PCDHGB3: variants seen among roughly 807,000 people sequenced by gnomAD.
PCDHGB3 encodes protocadherin gamma subfamily B, 3.
Under a neutral mutation model 59.2 loss-of-function variants are expected in PCDHGB3, and 40 were observed. The ratio of observed to expected loss-of-function variants is 0.68; its 90% CI spans 0.52 to 0.88. The LOEUF (loss-of-function observed/expected upper bound fraction) is 0.88, where lower values mean the gene tolerates loss of function less well. Ranked by LOEUF, PCDHGB3 falls within the 40% of genes least tolerant of loss-of-function variation. PCDHGB3 has a pLI of 0.00. For missense variants in PCDHGB3, 1,309 were observed against 1,187.9 expected (o/e 1.10, Z -1.50); for synonymous variants, 581 against 503.6 (o/e 1.15, Z -2.06).
At chr5:141,376,832 G>T (rs1773425503) in intron 1 of PCDHGB3, 2 of 257,250 alleles carry the variant, frequency 7.8e-6, no homozygotes, top group Non-Finnish European at 1.5e-5. Context: ...GACTACAGGC[G>T]CCCGCCACCG....
At chr5:141,463,682 G>A (rs62379195) in intron 1 of PCDHGB3, among the ~76,000 whole-genome samples, 7,165 of 151,926 alleles carry the variant, frequency 0.047, 241 homozygotes, top group Middle Eastern at 0.095. Context: ...GGATGACCTC[G>A]TGATCTGCTC....
At position 141,431,270 on chromosome 5, in the gene PCDHGB3, G is replaced by C. The variant is rs369177310; in HGVS notation, c.2415+58461G>C. 1.2e-5 allele frequency: 19 copies of C among 1,613,996 alleles called. No homozygotes were observed. Among genetic ancestry groups the C allele is most frequent in the Non-Finnish European group, 1.5e-5 (18 of 1,180,018 alleles). ...CGGGAAGAACTCTCTGCAGAGCTAC[G>C]AGCTCAGCCCGAACACTCACTTCTC... is the stretch of plus-strand genomic sequence containing the variant. On this transcript the variant is annotated intron_variant, in intron 1 of 3. Coordinates refer to ENST00000576222, the MANE Select transcript of PCDHGB3 (RefSeq NM_018924.5). This position sits in a 1 kb window ranked among gnomAD's most constrained non-coding sequence, Gnocchi z 4.8.
At chr5:141,473,039 A>G (rs1593411714) in intron 1 of PCDHGB3, among the ~76,000 whole-genome samples, 1 of 152,016 alleles carries the variant, frequency 6.6e-6, no homozygotes, top group East Asian at 1.9e-4. Context: ...GGAAGGAAAG[A>G]AAGAAAGAAG....
intron 1 of PCDHGB3, among the ~76,000 whole-genome samples, chr5:141,386,156 G>A (rs3806832): frequency 0.081 from 12,379 of 152,152 alleles, 653 homozygotes; most frequent in African/African-American, 0.15. Context: ...ACTGTCTCAC[G>A]TACTCAAACC....
rs376621545 is a variant in PCDHGB3, at chr5:141,422,143, G to A, written c.2415+49334G>A. The stretch of plus-strand genomic sequence containing the variant: ...ACAAACTGGAGAAGTTCAAGTACGG[G>A]GGTCTCTGGATTTTGAAAAATATAG... On this transcript the variant is annotated intron_variant, in intron 1 of 3. Transcript: ENST00000576222. 36 of 1,583,638 alleles carry A rather than the reference G, an allele frequency of 2.3e-5. No individual in the cohort carries two copies. The African/African-American group carries it at 3.8e-4, about 17-fold the overall frequency.
chr5:141,370,916 T>C lies in PCDHGB3; in HGVS notation c.522T>C (p.Pro174=). The part of the protein sequence containing the change: ...VNSLQQYYLS[P]DPHFSLIQKE... Reference sequence around the variant, plus strand: ...CGCTGCAGCAGTACTACCTCAGCCCTGATCCGCACTTCTCTTTGATTCAGA... The same window carrying C: ...CGCTGCAGCAGTACTACCTCAGCCCCGATCCGCACTTCTCTTTGATTCAGA... Residue 174 remains proline, a synonymous_variant, in exon 1 of 4, where the codon CCT becomes CCC. Coordinates refer to ENST00000576222, the MANE Select transcript of PCDHGB3 (RefSeq NM_018924.5). 6.2e-7 allele frequency: 1 copy of C among 1,614,016 alleles called. No homozygotes were observed. Among genetic ancestry groups the C allele is most frequent in the Non-Finnish European group, 8.5e-7 (1 of 1,179,878 alleles).
chr5:141,483,869 G>A (rs2099587910), intron 1 of PCDHGB3, among the ~76,000 whole-genome samples: 1 of 152,126 alleles, frequency 6.6e-6, no homozygotes, highest in South Asian at 2.1e-4. Flanking sequence ...GTCCAGATCA[G>A]GATGGATTTT....
In PCDHGB3 at chr5:141,408,237, G is replaced by C. The variant is rs1445060280; in HGVS notation, c.2415+35428G>C. 3.2e-6 allele frequency: 5 copies of C among 1,575,002 alleles called. No individual in the cohort carries two copies. In the South Asian group the frequency reaches 4.6e-5, roughly 14 times the overall value. On this transcript the variant is annotated intron_variant, in intron 1 of 3. Transcript: ENST00000576222. ...AGCTGCGCGCAGAGGCGCCGGGCCG[G>C]CCCGCGGCAGGTGCTATTTCCTTTG...
At chr5:141,387,510 C>A (rs972550298) in intron 1 of PCDHGB3, among the ~76,000 whole-genome samples, 1 of 152,206 alleles carries the variant, frequency 6.6e-6, no homozygotes, top group Non-Finnish European at 1.5e-5. Context: ...TTTTAGACGT[C>A]ATTAAATATA....
chr5:141,443,457 G>C (rs977253701), intron 1 of PCDHGB3, among the ~76,000 whole-genome samples: 12 of 152,194 alleles, frequency 7.9e-5, no homozygotes, highest in Non-Finnish European at 1.3e-4. Flanking sequence ...CTGTACTCCA[G>C]TCTGGGTGAC....
At chr5:141,414,042 T>A (rs758538745) in intron 1 of PCDHGB3, 1 of 1,611,324 alleles carries the variant, frequency 6.2e-7, no homozygotes, top group South Asian at 1.1e-5. Flanking sequence ...GAAAATTACC[T>A]GACACGCAAT....
chr5:141,460,686 C>A (rs2098995566), intron 1 of PCDHGB3, among the ~76,000 whole-genome samples: 1 of 151,698 alleles, frequency 6.6e-6, no homozygotes, highest in Admixed American at 6.6e-5. Context: ...TCTATATATC[C>A]ACCAACAGTT....
chr5:141,413,263 G>A, intron 1 of PCDHGB3: 1 of 1,613,940 alleles, frequency 6.2e-7, no homozygotes, highest in Admixed American at 1.7e-5. Flanking sequence ...TCCATGGGAG[G>A]CTGGAGCCCG....
intron 1 of PCDHGB3, chr5:141,410,663 T>C (rs2095415377): frequency 6.4e-7 from 1 of 1,570,102 alleles, no homozygotes; most frequent in Non-Finnish European, 8.6e-7. Flanking sequence ...AATAGTCTAC[T>C]AGTTTCTCAT....
Position 141,370,437 on chromosome 5 carries a change from C to A in PCDHGB3, c.43C>A (p.Arg15=), listed in dbSNP as rs770648794. ...SGWRGPAGQR[R]MLFLFLLSLL... is the part of the protein sequence containing the mutation. ...ATGGAGGGGCCCAGCAGGGCAGAGG[C>A]GAATGCTATTTCTCTTCCTGCTCTC... Residue 15 remains arginine (R), a synonymous_variant, in exon 1 of 4, where the codon CGA becomes AGA. Coordinates refer to ENST00000576222, the MANE Select transcript of PCDHGB3 (RefSeq NM_018924.5). 1.6e-5 allele frequency: 26 copies of A among 1,603,674 alleles called. No individual in the cohort carries two copies. In the East Asian group the frequency reaches 5.6e-4, roughly 34 times the overall value.
chr5:141,430,151 A>T (rs774490087), intron 1 of PCDHGB3, among the ~76,000 whole-genome samples: 8 of 152,166 alleles, frequency 5.3e-5, no homozygotes, highest in Non-Finnish European at 8.8e-5. Flanking sequence ...GGATCATTCA[A>T]GGAATCTATT....
At chr5:141,450,046 G>A (rs1390669307) in intron 1 of PCDHGB3, among the ~76,000 whole-genome samples, 4 of 121,108 alleles carry the variant, frequency 3.3e-5, no homozygotes, top group Admixed American at 1.1e-4. Context: ...TCACTCTTTC[G>A]CCCAGGCTGG....
intron 1 of PCDHGB3, chr5:141,397,859 C>T: frequency 1.8e-6 from 1 of 559,674 alleles, no homozygotes. Context: ...CTGTAGTTTC[C>T]TAGTGCTGAC....
At chr5:141,419,793 C>T in intron 1 of PCDHGB3, 1 of 1,614,072 alleles carries the variant, frequency 6.2e-7, no homozygotes, top group East Asian at 2.2e-5. Flanking sequence ...CTGCTAGTCG[C>T]TGTAAGAGAT....
Sources: gnomAD v4.1 joint callset for allele counts (sites outside exome capture counted in the v4.1 genomes callset) on GRCh38, gnomAD v4.1.1 for gene constraint, Gnocchi (gnomAD v3.1) non-coding constraint, MANE v1.5 for transcripts, NCBI Gene and HGNC (gene_info 2026-07-23, HGNC 2026-07-21) for gene names.